The following LCLAT1 variants were observed in gnomAD, a reference collection of about 807,000 sequenced individuals.
The protein encoded by LCLAT1 is lysocardiolipin acyltransferase 1.
A neutral mutation model predicts 30.7 loss-of-function variants in LCLAT1; 11 were observed. The observed-to-expected ratio is 0.36, with a 90% CI of 0.23 to 0.59. LCLAT1 has a LOEUF of 0.59. Among genes scored for constraint, LCLAT1 ranks in the 20% least tolerant of loss-of-function variants. LCLAT1 has a pLI of 0.77. For missense variants in LCLAT1, 402 were observed against 458.6 expected, an observed-to-expected ratio of 0.88 and a Z score of 1.13; for synonymous variants, 155 against 151.3, an observed-to-expected ratio of 1.02 and a Z score of -0.18.
chr2:30,474,271 C>G, intron 1 of LCLAT1, among the ~76,000 whole-genome samples: 1 of 152,104 alleles, frequency 6.6e-6, no homozygotes, highest in Non-Finnish European at 1.5e-5. Context: ...TTTACATGTC[C>G]CTCAGTTAAC....
chr2:30,573,784 G>GT (rs903237089), intron 5 of LCLAT1, among the ~76,000 whole-genome samples: 5 of 152,006 alleles, frequency 3.3e-5, no homozygotes, highest in African/African-American at 1.2e-4. Flanking sequence ...CTTCTTCACT[G>GT]TTTTTTCTCA....
rs773851400 is a variant in LCLAT1 at position 30,477,546 on chromosome 2, A to G, written c.-5+30163A>G. ...GTATATAGCCTCTAACTGGTATACA[A>G]CTAAGTCACAGATTGTGACCCTAAT... On this transcript the variant is annotated intron_variant, in intron 1 of 5. Coordinates refer to ENST00000379509, the MANE Select transcript of LCLAT1 (RefSeq NM_001002257.3). Among the ~76,000 whole-genome samples the G allele has an allele frequency of 3.3e-5, 5 of 152,314 alleles. 1 individual carries two copies. The highest frequency in any genetic ancestry group is 4.1e-4 in the South Asian group (2 of 4,828).
intron 4 of LCLAT1, among the ~76,000 whole-genome samples, chr2:30,567,818 T>G (rs1192105139): frequency 2.0e-5 from 3 of 152,218 alleles, no homozygotes; most frequent in Non-Finnish European, 1.5e-5. Flanking sequence ...CCCACCAAAC[T>G]TGGCCTCTTG....
intron 1 of LCLAT1, among the ~76,000 whole-genome samples, chr2:30,464,266 A>G (rs540417160): frequency 6.6e-6 from 1 of 151,998 alleles, no homozygotes; most frequent in Middle Eastern, 3.4e-3. Context: ...TTGTAATTCT[A>G]TAATGTTTTC....
At chr2:30,483,545 C>T (rs1230980995) in intron 1 of LCLAT1, among the ~76,000 whole-genome samples, 1 of 152,050 alleles carries the variant, frequency 6.6e-6, no homozygotes. Flanking sequence ...TGAAGCACTG[C>T]AAGCAAAAGG....
chr2:30,609,286 C>T (rs574877325), intron 5 of LCLAT1, among the ~76,000 whole-genome samples: 1 of 151,862 alleles, frequency 6.6e-6, no homozygotes, highest in East Asian at 1.9e-4. Context: ...GACCTATGCT[C>T]TTGAAGTCTG....
intron 1 of LCLAT1, among the ~76,000 whole-genome samples, chr2:30,492,578 AAAAG>A (rs1398012239): frequency 2.0e-5 from 3 of 150,294 alleles, no homozygotes; most frequent in African/African-American, 7.4e-5. Context: ...GGCAGAAAAA[AAAAG>A]AAAAAAAAAA....
chr2:30,589,674 C>T (rs1189214596), intron 5 of LCLAT1, among the ~76,000 whole-genome samples: 2 of 152,182 alleles, frequency 1.3e-5, no homozygotes, highest in Non-Finnish European at 2.9e-5. Flanking sequence ...GGCGTATCTT[C>T]TTGAAAAGCA....
intron 1 of LCLAT1, among the ~76,000 whole-genome samples, chr2:30,477,317 T>C (rs1683095721): frequency 6.6e-6 from 1 of 152,206 alleles, no homozygotes. Context: ...TGCCTTGGAT[T>C]GTACCTGTTT....
At chr2:30,473,537 A>G (rs1682899505) in intron 1 of LCLAT1, among the ~76,000 whole-genome samples, 2 of 152,202 alleles carry the variant, frequency 1.3e-5, no homozygotes, top group South Asian at 4.1e-4. Context: ...GTGATAATTT[A>G]TGAACCTAAA....
At chr2:30,458,415 T>A (rs886245921) in intron 1 of LCLAT1, among the ~76,000 whole-genome samples, 1 of 152,138 alleles carries the variant, frequency 6.6e-6, no homozygotes, top group Non-Finnish European at 1.5e-5. Flanking sequence ...CTTGGTAGAT[T>A]TGGGCATGCT....
intron 1 of LCLAT1, among the ~76,000 whole-genome samples, chr2:30,479,814 A>G (rs1038318844): frequency 3.3e-5 from 5 of 152,236 alleles, no homozygotes; most frequent in African/African-American, 1.2e-4. Context: ...CGAAACACAA[A>G]AAAGAAAAAA....
At position 30,455,671 on chromosome 2, in the gene LCLAT1, C is replaced by A. The variant is rs943428249; in HGVS notation, c.-5+8288C>A. Reference sequence around the variant, plus strand: ...TCCCAGGACTCTGGGAGCCTGAAACCATCCTCTGGGAGGATTGCTTCATCC... The same window carrying A: ...TCCCAGGACTCTGGGAGCCTGAAACAATCCTCTGGGAGGATTGCTTCATCC... On this transcript the variant is annotated intron_variant, in intron 1 of 5. Coordinates refer to ENST00000379509, the MANE Select transcript of LCLAT1 (RefSeq NM_001002257.3). Among the ~76,000 whole-genome samples the A allele has an allele frequency of 2.6e-5, 4 of 152,000 alleles. 1 individual carries two copies. The highest frequency in any genetic ancestry group is 4.8e-5 in the African/African-American group (2 of 41,384).
chr2:30,517,274 C>T (rs930240240), intron 1 of LCLAT1, among the ~76,000 whole-genome samples: 3 of 152,226 alleles, frequency 2.0e-5, no homozygotes, highest in African/African-American at 7.2e-5. Context: ...CTCTACACTG[C>T]ATCCTTAGGC....
intron 1 of LCLAT1, among the ~76,000 whole-genome samples, chr2:30,482,705 G>A (rs566199491): frequency 9.9e-5 from 15 of 152,136 alleles, no homozygotes; most frequent in Middle Eastern, 3.4e-3. Flanking sequence ...GGAGGCTGAG[G>A]CAGGAGTATC....
chr2:30,634,079 A>G (rs1345476550), intron 5 of LCLAT1, among the ~76,000 whole-genome samples: 2 of 152,230 alleles, frequency 1.3e-5, no homozygotes, highest in African/African-American at 4.8e-5. Flanking sequence ...TAACTTAAAC[A>G]TGAATAAAGT....
At chr2:30,538,638 AAAAAAAT>A (rs1443840755) in intron 3 of LCLAT1, among the ~76,000 whole-genome samples, 1 of 152,112 alleles carries the variant, frequency 6.6e-6, no homozygotes, top group East Asian at 1.9e-4. Context: ...TCCATCTCAA[AAAAAAAT>A]AAAAAATAAA....
At chr2:30,514,935 T>G (rs829636) in intron 1 of LCLAT1, among the ~76,000 whole-genome samples, 34,441 of 152,164 alleles carry the variant, frequency 0.23, 4,007 homozygotes, top group East Asian at 0.35. Flanking sequence ...GCCTTAGATA[T>G]TTTTCCTCCA....
At chr2:30,471,460 T>A (rs1682786359) in intron 1 of LCLAT1, among the ~76,000 whole-genome samples, 2 of 152,218 alleles carry the variant, frequency 1.3e-5, no homozygotes, top group South Asian at 4.1e-4. Context: ...TCCACCCGCC[T>A]CAGCCTCCCA....
Sources: allele counts gnomAD v4.1 joint callset (sites outside exome capture counted in the v4.1 genomes callset), GRCh38; gene constraint gnomAD v4.1.1; transcripts MANE v1.5; gene names NCBI Gene and HGNC (gene_info 2026-07-23, HGNC 2026-07-21).